The following PTPRJ variants were observed in gnomAD, a reference collection of about 807,000 sequenced individuals.
PTPRJ encodes the protein receptor-type tyrosine-protein phosphatase eta.
A neutral mutation model predicts 141.3 loss-of-function variants in PTPRJ; 129 were observed. The ratio of observed to expected loss-of-function variants is 0.91; its 90% confidence interval spans 0.79 to 1.06. PTPRJ has a LOEUF of 1.06. PTPRJ is among the 50% of genes least tolerant of loss of function. PTPRJ has a pLI of 0.00. For synonymous variants in PTPRJ, 610 were observed against 640.5 expected, an observed-to-expected ratio of 0.95 and a Z score of 0.72; for missense variants, 1,601 against 1,679.7, an observed-to-expected ratio of 0.95 and a Z score of 0.82.
Position 48,144,699 on chromosome 11 carries a change from T to G in PTPRJ, c.2600T>G (p.Leu867Arg). 1.2e-6 allele frequency: 2 copies of G among 1,614,080 alleles called. No individual in the cohort carries two copies. Among genetic ancestry groups the G allele is most frequent in the Non-Finnish European group, 1.7e-6 (2 of 1,179,918 alleles). Residue 867 changes from leucine (L) to arginine (R), a missense_variant, in exon 13 of 25, where the codon CTG (leucine) becomes CGG (arginine). Coordinates refer to ENST00000418331, the MANE Select transcript of PTPRJ (RefSeq NM_002843.4). The stretch of plus-strand genomic sequence containing the variant: ...GCTGGTCACCCTTCTGCAGATGTCC[T>G]GAAATACACGTATGAGGATTTCAAA... ...GEAGHPSADV[L>R]KYTYEDFKKG... is the part of the protein sequence containing the mutation.
Position 48,123,795 on chromosome 11 carries a change from C to A in PTPRJ, c.799C>A (p.Gln267Lys). ...TATCTCGGGCCTGAAGCCAGGGGTTCAATACAACATCAACCCGTATCTTCT... is the reference window on the plus strand; with the variant it reads ...TATCTCGGGCCTGAAGCCAGGGGTTAAATACAACATCAACCCGTATCTTCT... Reference protein sequence around the residue: ...VNISGLKPGVQYNINPYLLQS... With the variant: ...VNISGLKPGVKYNINPYLLQS... Residue 267 changes from glutamine (Q) to lysine (K), a missense_variant, in exon 5 of 25, where the codon CAA becomes AAA. Coordinates refer to ENST00000418331, the MANE Select transcript of PTPRJ (RefSeq NM_002843.4). The A allele has an allele frequency of 6.2e-7, 1 of 1,613,962 alleles. No individual in the cohort carries two copies. The highest frequency in any genetic ancestry group is 8.5e-7 in the Non-Finnish European group (1 of 1,179,934).
chr11:48,167,290 A>G lies in PTPRJ; in HGVS notation c.3942A>G (p.Thr1314=). The change falls in exon 25 of 25, where the codon ACA becomes ACG. Residue 1314 remains threonine (T), a synonymous_variant. Coordinates refer to ENST00000418331, the MANE Select transcript of PTPRJ (RefSeq NM_002843.4). ...AAGTAGATCTTATCTACCAGAACAC[A>G]ACTGCAATGACAATCTATGAAAACC... ...DSKVDLIYQN[T]TAMTIYENLA... is the part of the protein sequence containing the mutation. 2 of 1,613,828 alleles carry G rather than the reference A, an allele frequency of 1.2e-6. No individual in the cohort carries two copies. Among genetic ancestry groups the G allele is most frequent in the South Asian group, 2.2e-5 (2 of 91,076 alleles).
intron 1 of PTPRJ, among the ~76,000 whole-genome samples, chr11:48,040,036 G>A (rs1179003279): frequency 6.6e-6 from 1 of 152,180 alleles, no homozygotes; most frequent in Admixed American, 6.5e-5. Flanking sequence ...TGATCTGCCC[G>A]CTGCAGCTTC....
At chr11:47,994,970 A>C (rs1272842921) in intron 1 of PTPRJ, among the ~76,000 whole-genome samples, 2 of 152,174 alleles carry the variant, frequency 1.3e-5, no homozygotes, top group Admixed American at 6.6e-5. Flanking sequence ...ATGTATGGCA[A>C]TCTGTGAAGG....
chr11:48,011,627 C>A (rs1041431481), intron 1 of PTPRJ, among the ~76,000 whole-genome samples: 1 of 152,128 alleles, frequency 6.6e-6, no homozygotes, highest in East Asian at 1.9e-4. Flanking sequence ...AAAATTCACA[C>A]ATATGATGCT....
chr11:48,019,572 G>C (rs968777467), intron 1 of PTPRJ, among the ~76,000 whole-genome samples: 1 of 152,214 alleles, frequency 6.6e-6, no homozygotes, highest in Non-Finnish European at 1.5e-5. Context: ...TGTGTTAACT[G>C]TTCCAAGGTA....
At chr11:48,009,903 C>G (rs1854733174) in intron 1 of PTPRJ, among the ~76,000 whole-genome samples, 1 of 152,228 alleles carries the variant, frequency 6.6e-6, no homozygotes, top group South Asian at 2.1e-4. Flanking sequence ...AACAAGTTAT[C>G]TACTGCTCTA....
chr11:48,070,053 T>C lies in PTPRJ; in HGVS notation c.97-40005T>C, dbSNP rs1855202907. On this transcript the variant is annotated intron_variant, in intron 1 of 24. Coordinates refer to ENST00000418331, the MANE Select transcript of PTPRJ (RefSeq NM_002843.4). ...CTGCCACATTGAGAAACATTCACCA[T>C]ATCTCAATAAGCTCTCCTCAGCCAG... 2.0e-5 allele frequency among the ~76,000 whole-genome samples: 3 copies of C among 152,206 alleles called. No individual in the cohort carries two copies. The South Asian group carries it at 6.2e-4, about 31-fold the overall frequency.
At chr11:47,983,489 G>A (rs901228533) in intron 1 of PTPRJ, among the ~76,000 whole-genome samples, 18 of 152,318 alleles carry the variant, frequency 1.2e-4, no homozygotes, top group African/African-American at 3.1e-4. Flanking sequence ...TAATAAGGGC[G>A]GGTGTGGAAG....
At chr11:48,024,545 A>G (rs1421126378) in intron 1 of PTPRJ, among the ~76,000 whole-genome samples, 1 of 151,870 alleles carries the variant, frequency 6.6e-6, no homozygotes, top group African/African-American at 2.4e-5. Context: ...TTTCTTTTCT[A>G]TCTCTCTCAC....
rs139376265 is a variant in PTPRJ, at chr11:47,985,671, C to CATTTATTT, written c.96+4703_96+4710dup. On this transcript the variant is annotated intron_variant, in intron 1 of 24. Coordinates refer to ENST00000418331, the MANE Select transcript of PTPRJ (RefSeq NM_002843.4). ...TGCAGCTAAGAGAGGAGGTGGCAGA[C>CATTTATTT]ATTTATTTATTTATTTATTTATTTA... 1.4e-3 allele frequency among the ~76,000 whole-genome samples: 184 copies of CATTTATTT among 136,052 alleles called. 2 individuals are homozygous for CATTTATTT. Among genetic ancestry groups the CATTTATTT allele is most frequent in the African/African-American group, 4.1e-3 (151 of 36,530 alleles). The allele number at this position is 136,052 out of a possible 152,430, so 89.3% of individuals were successfully genotyped here. A position where few individuals can be genotyped will look rare whatever the true frequency, so the allele number is the denominator to read the frequency against.
At chr11:48,017,012 G>A (rs770185806) in intron 1 of PTPRJ, among the ~76,000 whole-genome samples, 13 of 151,832 alleles carry the variant, frequency 8.6e-5, no homozygotes, top group Non-Finnish European at 1.5e-4. Context: ...CTCCCACCTC[G>A]GTTCCCCAAA....
chr11:48,048,357 C>T (rs769285343), intron 1 of PTPRJ, among the ~76,000 whole-genome samples: 1 of 152,220 alleles, frequency 6.6e-6, no homozygotes, highest in Non-Finnish European at 1.5e-5. Flanking sequence ...TGGGAAGACT[C>T]CTCTCTCTGC....
chr11:47,990,293 C>CA (rs538249550), intron 1 of PTPRJ, among the ~76,000 whole-genome samples: 2 of 151,708 alleles, frequency 1.3e-5, no homozygotes, highest in East Asian at 1.9e-4. Flanking sequence ...TTTAAAGTGA[C>CA]AAAAAAAGGT....
intron 1 of PTPRJ, among the ~76,000 whole-genome samples, chr11:48,069,054 A>G (rs190097571): frequency 9.2e-5 from 14 of 152,264 alleles, no homozygotes; most frequent in Non-Finnish European, 1.6e-4. Flanking sequence ...GGAGATGCAA[A>G]GAAGGTGACA....
intron 1 of PTPRJ, among the ~76,000 whole-genome samples, chr11:48,090,059 C>T (rs944176211): frequency 6.6e-6 from 1 of 152,216 alleles, no homozygotes; most frequent in Admixed American, 6.5e-5. Flanking sequence ...TTGGAAAACA[C>T]ATTTTTAAAC....
intron 1 of PTPRJ, among the ~76,000 whole-genome samples, chr11:48,029,656 T>C (rs758422421): frequency 4.6e-5 from 7 of 152,220 alleles, no homozygotes; most frequent in Non-Finnish European, 1.0e-4. Context: ...TTTTTCTTCT[T>C]TTTTGTATAT....
Position 48,121,272 on chromosome 11 carries a change from A to G in PTPRJ, c.616+6A>G. 1 of 1,612,608 alleles carries G rather than the reference A, an allele frequency of 6.2e-7. No individual in the cohort carries two copies. The highest frequency in any genetic ancestry group is 8.5e-7 in the Non-Finnish European group (1 of 1,178,696). On this transcript the variant is annotated splice_donor_region_variant and intron_variant, in intron 4 of 24. Transcript: ENST00000418331. Reference sequence around the variant, plus strand: ...AGTCATAAAAGTCATCACAGGTAAGATGACTGGCTCCCAGGGATGATGACA... The same window carrying G: ...AGTCATAAAAGTCATCACAGGTAAGGTGACTGGCTCCCAGGGATGATGACA...
intron 1 of PTPRJ, among the ~76,000 whole-genome samples, chr11:48,097,085 A>C (rs1264356846): frequency 6.6e-6 from 1 of 152,152 alleles, no homozygotes; most frequent in Non-Finnish European, 1.5e-5. Flanking sequence ...AGTGCTAGGC[A>C]TGGGGTATCG....
Sources: gnomAD v4.1 joint callset for allele counts (sites outside exome capture counted in the v4.1 genomes callset) on GRCh38, gnomAD v4.1.1 for gene constraint, MANE v1.5 for transcripts, NCBI Gene and HGNC (gene_info 2026-07-23, HGNC 2026-07-21) for gene names.